Variants in GALNTL6 observed in about 807,000 individuals in gnomAD.
GALNTL6 encodes the protein polypeptide N-acetylgalactosaminyltransferase like 6.
In GALNTL6, 46 loss-of-function variants were observed where a neutral mutation model predicts 73.7. The ratio of observed to expected loss-of-function variants is 0.62; its 90% CI spans 0.49 to 0.80. The LOEUF (loss-of-function observed/expected upper bound fraction) is 0.80. Ranked by LOEUF, GALNTL6 falls within the 30% of genes least tolerant of loss-of-function variation. GALNTL6 has a pLI of 0.00. For synonymous variants in GALNTL6, 259 were observed against 263.7 expected (o/e 0.98, Z 0.17); for missense variants, 604 against 755.0 (o/e 0.80, Z 2.34).
intron 2 of GALNTL6, among the ~76,000 whole-genome samples, chr4:171,982,447 GCCA>G (rs1192596656): frequency 6.6e-6 from 1 of 151,928 alleles, no homozygotes; most frequent in Non-Finnish European, 1.5e-5. Flanking sequence ...ACAGGCGCCC[GCCA>G]CCACGCCCGG....
At chr4:172,991,163 C>T (rs921621449) in intron 10 of GALNTL6, among the ~76,000 whole-genome samples, 19 of 152,078 alleles carry the variant, frequency 1.2e-4, no homozygotes, top group Non-Finnish European at 2.2e-4. Context: ...AAGACTTAAA[C>T]TTTTACTCAT....
chr4:172,720,663 CTA>C (rs1735416120), intron 5 of GALNTL6, among the ~76,000 whole-genome samples: 1 of 152,158 alleles, frequency 6.6e-6, no homozygotes, highest in Admixed American at 6.5e-5. Flanking sequence ...AAAAGGCTGA[CTA>C]TATTAATTTT....
chr4:172,801,512 G>A (rs965239707), intron 5 of GALNTL6, among the ~76,000 whole-genome samples: 2 of 151,762 alleles, frequency 1.3e-5, no homozygotes, highest in Admixed American at 1.3e-4. Flanking sequence ...ATAAGGTATT[G>A]CCCACATAAC....
chr4:172,052,446 T>A (rs1730902993), intron 2 of GALNTL6: 1 of 1,534,772 alleles, frequency 6.5e-7, no homozygotes, highest in Non-Finnish European at 8.7e-7. Flanking sequence ...ACCAGCCAGA[T>A]GAGAGCCAAG....
intron 5 of GALNTL6, among the ~76,000 whole-genome samples, chr4:172,650,897 G>A (rs1327637186): frequency 2.0e-5 from 3 of 152,190 alleles, no homozygotes; most frequent in African/African-American, 7.2e-5. Flanking sequence ...ACTACAGCAT[G>A]TAAGAAAGCA....
intron 5 of GALNTL6, among the ~76,000 whole-genome samples, chr4:172,478,703 C>T (rs1266386816): frequency 6.6e-6 from 1 of 152,050 alleles, no homozygotes; most frequent in African/African-American, 2.4e-5. Context: ...AAATAATCAA[C>T]AGAGTAAATA....
intron 2 of GALNTL6, among the ~76,000 whole-genome samples, chr4:172,121,143 G>A (rs914656405): frequency 6.6e-6 from 1 of 152,080 alleles, no homozygotes; most frequent in South Asian, 2.1e-4. Flanking sequence ...AAGAAAAAAT[G>A]AGAATTACAT....
chr4:172,316,713 A>C (rs1004939280), intron 4 of GALNTL6, among the ~76,000 whole-genome samples: 1 of 152,226 alleles, frequency 6.6e-6, no homozygotes, highest in Non-Finnish European at 1.5e-5. Context: ...ATTTGCTATG[A>C]AAACATTCGC....
intron 8 of GALNTL6, among the ~76,000 whole-genome samples, chr4:172,918,303 G>A (rs1044858372): frequency 6.6e-6 from 1 of 151,824 alleles, no homozygotes; most frequent in African/African-American, 2.4e-5. Context: ...GAGTTAATGG[G>A]TGCAGCACAT....
intron 5 of GALNTL6, among the ~76,000 whole-genome samples, chr4:172,362,660 A>G (rs1742412560): frequency 6.6e-6 from 1 of 152,120 alleles, no homozygotes; most frequent in Admixed American, 6.6e-5. Context: ...ACATTCAACA[A>G]ACTACTGGAC....
Position 172,216,479 on chromosome 4 carries a change from C to G in GALNTL6, c.139-13177C>G, listed in dbSNP as rs559325289. Reference sequence around the variant, plus strand: ...CCTTCCCACCCACTCTGACTTCTTTCGAGATTTTCTCCTTGTCTTCTGTTT... The same window carrying G: ...CCTTCCCACCCACTCTGACTTCTTTGGAGATTTTCTCCTTGTCTTCTGTTT... On this transcript the variant is annotated intron_variant, in intron 2 of 12. Coordinates refer to ENST00000506823, the MANE Select transcript of GALNTL6 (RefSeq NM_001034845.3). Among the ~76,000 whole-genome samples, 4 of 152,064 alleles carry G rather than the reference C, an allele frequency of 2.6e-5. No homozygotes were observed. In the South Asian group the frequency reaches 8.3e-4, roughly 32 times the overall value.
At chr4:171,822,536 C>A (rs1163368309) in intron 2 of GALNTL6, among the ~76,000 whole-genome samples, 2 of 152,112 alleles carry the variant, frequency 1.3e-5, no homozygotes, top group African/African-American at 2.4e-5. Flanking sequence ...ATGAGGGAAG[C>A]TTTACAAATA....
At chr4:172,204,605 T>C (rs1319444469) in intron 2 of GALNTL6, among the ~76,000 whole-genome samples, 1 of 152,206 alleles carries the variant, frequency 6.6e-6, no homozygotes, top group East Asian at 1.9e-4. Flanking sequence ...TTCCTTTCAT[T>C]TTCAAAAGTG....
intron 11 of GALNTL6, among the ~76,000 whole-genome samples, chr4:173,020,898 C>T (rs1579791144): frequency 1.3e-5 from 2 of 152,122 alleles, no homozygotes; most frequent in Admixed American, 6.6e-5. Context: ...CATGGTGAAA[C>T]CCCGTCTCTA....
rs1650245226 is a variant in GALNTL6, at chr4:171,909,675, A to T, written c.138+94957A>T. 3.9e-5 allele frequency among the ~76,000 whole-genome samples: 6 copies of T among 152,318 alleles called. No individual in the cohort carries two copies. The South Asian group carries it at 1.2e-3, about 32-fold the overall frequency. ...GAAAGTTTGCCATAGACTTTTGAAA[A>T]TGAAGAAGAATAGGAAGTCTAGCAA... is the stretch of plus-strand genomic sequence containing the variant. On this transcript the variant is annotated intron_variant, in intron 2 of 12. Coordinates refer to ENST00000506823, the MANE Select transcript of GALNTL6 (RefSeq NM_001034845.3).
intron 3 of GALNTL6, among the ~76,000 whole-genome samples, chr4:172,249,448 T>C (rs753474842): frequency 6.6e-6 from 1 of 152,212 alleles, no homozygotes; most frequent in Non-Finnish European, 1.5e-5. Context: ...TATTCAAGCC[T>C]GCTGCAGAAA....
At chr4:172,331,066 A>G (rs1028397696) in intron 4 of GALNTL6, among the ~76,000 whole-genome samples, 4 of 152,114 alleles carry the variant, frequency 2.6e-5, no homozygotes, top group African/African-American at 9.7e-5. Context: ...TAAAGAAAAC[A>G]GCACTAATAA....
intron 2 of GALNTL6, among the ~76,000 whole-genome samples, chr4:171,979,673 T>A (rs925996324): frequency 7.2e-5 from 11 of 152,110 alleles, no homozygotes; most frequent in African/African-American, 2.4e-4. Flanking sequence ...AGTGGGAGAC[T>A]ATAGCTAATT....
chr4:172,725,604 G>A (rs544783787), intron 5 of GALNTL6, among the ~76,000 whole-genome samples: 2 of 152,302 alleles, frequency 1.3e-5, no homozygotes, highest in African/African-American at 2.4e-5. Flanking sequence ...TAAAAATTGG[G>A]TTGAAAATAT....
Sources: gnomAD v4.1 joint callset for allele counts (sites outside exome capture counted in the v4.1 genomes callset) on GRCh38, gnomAD v4.1.1 for gene constraint, MANE v1.5 for transcripts, NCBI Gene and HGNC (gene_info 2026-07-23, HGNC 2026-07-21) for gene names.